CAPS2: variants seen among roughly 807,000 people sequenced by gnomAD.
The protein encoded by CAPS2 is calcyphosine 2.
CAPS2 carries 98 observed loss-of-function variants against 86.5 expected under a neutral mutation model. That is an observed-to-expected ratio of 1.13 (90% CI 0.96 to 1.34). The LOEUF is 1.34. Among genes scored for constraint, CAPS2 ranks in the 40% most tolerant of loss-of-function variants. The pLI, the probability that CAPS2 is intolerant of heterozygous loss-of-function variation, is 0.00. For synonymous variants in CAPS2, 210 were observed against 225.1 expected (o/e 0.93, Z 0.60); for missense variants, 729 against 686.8 (o/e 1.06, Z -0.69).
intron 5 of CAPS2, 128 bp downstream of exon 5, chr12:75,321,272 C>T: frequency 3.3e-6 from 2 of 604,560 alleles, no homozygotes; most frequent in African/African-American, 1.9e-5. Flanking sequence ...CCTTGATATG[C>T]AGAAATAAAT....
chr12:75,305,568 G>GCAGAGCCT, intron 7 of CAPS2: 2 of 630,306 alleles, frequency 3.2e-6, no homozygotes, highest in Non-Finnish European at 6.0e-6. Flanking sequence ...TGGCAGAGCC[G>GCAGAGCCT]CAGAGCCCTC....
In CAPS2 at chr12:75,340,619, A is replaced by G. The variant is rs548723913; in HGVS notation, c.-394-17397T>C. ...AAAATAAGAAACTTCTACTTTCTAA[A>G]GTACCCTGTTAGGAAGATGAGAGGA... On this transcript the variant is annotated intron_variant, in intron 1 of 5. Coordinates refer to the CAPS2 transcript ENST00000551829. Among the ~76,000 whole-genome samples, 24 of 152,168 alleles carry G rather than the reference A, an allele frequency of 1.6e-4. No homozygotes were observed. In the South Asian group the frequency reaches 5.0e-3, roughly 32 times the overall value.
chr12:75,338,452 T>A (rs2139265590), intron 1 of CAPS2, among the ~76,000 whole-genome samples: 1 of 152,294 alleles, frequency 6.6e-6, no homozygotes, highest in African/African-American at 2.4e-5. Flanking sequence ...TATATGATCA[T>A]CTCAATAGAG....
intron 1 of CAPS2, among the ~76,000 whole-genome samples, chr12:75,372,517 G>A (rs1303188333): frequency 6.6e-6 from 1 of 152,126 alleles, no homozygotes; most frequent in African/African-American, 2.4e-5. Flanking sequence ...TAATGTCATG[G>A]GAACAGGAAG....
At chr12:75,283,141 A>T (rs1025977638) in intron 15 of CAPS2, among the ~76,000 whole-genome samples, 2 of 152,254 alleles carry the variant, frequency 1.3e-5, no homozygotes, top group African/African-American at 2.4e-5. Context: ...TATTTCTTGA[A>T]ATTTAATACA....
chr12:75,290,923 CA>C (rs758536064), intron 13 of CAPS2, among the ~76,000 whole-genome samples: 126 of 46,944 alleles, frequency 2.7e-3, no homozygotes, highest in Non-Finnish European at 4.7e-3. Context: ...GGCTCTCTCT[CA>C]AAAAAAAAAA....
upstream of CAPS2, among the ~76,000 whole-genome samples, chr12:75,331,145 G>A (rs570844794): frequency 6.6e-5 from 10 of 152,074 alleles, no homozygotes; most frequent in East Asian, 9.7e-4. Flanking sequence ...ATCTATAAAG[G>A]GAAAAAGCTG....
chr12:75,306,085 T>C lies in CAPS2; in HGVS notation c.660-1209A>G, dbSNP rs999746191. The C allele has an allele frequency of 4.8e-6, 7 of 1,457,350 alleles. No individual in the cohort carries two copies. In the South Asian group the frequency reaches 7.0e-5, roughly 15 times the overall value. The allele number at this position is 1,457,350 out of a possible 1,614,324, so 90.3% of individuals were successfully genotyped here. A position where few individuals can be genotyped will look rare whatever the true frequency, so the allele number is the denominator to read the frequency against. ...TAGAACGTGCTGCGCGTCCTGGGGC[T>C]GCGGCCCTGGAAGAAGCACTCCACC... On this transcript the variant is annotated intron_variant, in intron 7 of 16. Transcript: ENST00000393284.
At chr12:75,359,357 CTTTTTTTTTTTTTTTTT>C (rs61616225) in intron 1 of CAPS2, among the ~76,000 whole-genome samples, 2 of 28,586 alleles carry the variant, frequency 7.0e-5, no homozygotes, top group Admixed American at 9.7e-4. Context: ...GCATTGTTGT[CTTTTTTTTTTTTTTTTT>C]TTTTTTTTTT....
intron 15 of CAPS2, among the ~76,000 whole-genome samples, chr12:75,284,593 T>C (rs773675542): frequency 1.1e-4 from 16 of 152,144 alleles, no homozygotes; most frequent in South Asian, 6.2e-4. Context: ...ATATGCATTA[T>C]CTTATTCAAT....
chr12:75,335,001 A>G (rs2041625585), upstream of CAPS2: 1 of 1,188,946 alleles, frequency 8.4e-7, no homozygotes, highest in East Asian at 2.4e-5. Context: ...TTCAATCCGG[A>G]CTTTACATAT....
intron 1 of CAPS2, among the ~76,000 whole-genome samples, chr12:75,361,565 T>A (rs777598213): frequency 2.2e-4 from 33 of 152,142 alleles, no homozygotes; most frequent in Non-Finnish European, 4.4e-4. Flanking sequence ...CTGTTTTAGC[T>A]GAGGAAAGAG....
intron 1 of CAPS2, among the ~76,000 whole-genome samples, chr12:75,339,128 T>C (rs1488503684): frequency 6.6e-6 from 1 of 152,200 alleles, no homozygotes; most frequent in Non-Finnish European, 1.5e-5. Flanking sequence ...AGTAATGGGA[T>C]TGCTGGGTCA....
intron 1 of CAPS2, among the ~76,000 whole-genome samples, chr12:75,387,783 C>T (rs1387548839): frequency 1.3e-5 from 2 of 152,050 alleles, no homozygotes; most frequent in African/African-American, 4.8e-5. Flanking sequence ...GAGGACAGAC[C>T]CAATCACTTC....
intron 5 of CAPS2, among the ~76,000 whole-genome samples, chr12:75,319,515 A>G (rs2040103529): frequency 6.6e-6 from 1 of 152,130 alleles, no homozygotes; most frequent in South Asian, 2.1e-4. Flanking sequence ...CTAATCTTCA[A>G]CTTTCTAGCC....
rs367811603 is a variant in CAPS2, at chr12:75,354,174, G to C, written c.-394-30952C>G. ...CAGGGAAGAGAAAAAAAAGGGGGGGGGGTATTCAAATAGGAAAAGAGGAAG... is the reference window on the plus strand; with the variant it reads ...CAGGGAAGAGAAAAAAAAGGGGGGGCGGTATTCAAATAGGAAAAGAGGAAG... On this transcript the variant is annotated intron_variant, in intron 1 of 5. Coordinates refer to the CAPS2 transcript ENST00000551829. 7.0e-3 allele frequency among the ~76,000 whole-genome samples: 999 copies of C among 142,864 alleles called. 36 individuals carry two copies. Among genetic ancestry groups the C allele is most frequent in the African/African-American group, 0.024 (929 of 38,030 alleles). The allele number at this position is 142,864 out of a possible 152,430, so 93.7% of individuals were successfully genotyped here.
intron 1 of CAPS2, among the ~76,000 whole-genome samples, chr12:75,378,506 T>A (rs967420384): frequency 4.6e-5 from 7 of 152,108 alleles, no homozygotes; most frequent in African/African-American, 1.4e-4. Flanking sequence ...GGCTAACAAG[T>A]GGAAATTTTT....
At chr12:75,297,324 A>G (rs1371177869) in intron 11 of CAPS2, among the ~76,000 whole-genome samples, 1 of 152,196 alleles carries the variant, frequency 6.6e-6, no homozygotes, top group Non-Finnish European at 1.5e-5. Flanking sequence ...CTTGAGTGTC[A>G]TATGTATAGT....
exon 17 of CAPS2, chr12:75,278,447 T>C: frequency 1.0e-6 from 1 of 985,406 alleles, no homozygotes; most frequent in Non-Finnish European, 1.2e-6. Flanking sequence ...AATTCTAATT[T>C]ATCAAATTGA....
Sources: gnomAD v4.1 joint callset for allele counts (sites outside exome capture counted in the v4.1 genomes callset) on GRCh38, gnomAD v4.1.1 for gene constraint, MANE v1.5 for transcripts, NCBI Gene and HGNC (gene_info 2026-07-23, HGNC 2026-07-21) for gene names.